Variants in AGBL1 observed in about 807,000 individuals in gnomAD.
The protein encoded by AGBL1 is cytosolic carboxypeptidase 4.
Under a neutral mutation model 118.9 loss-of-function variants are expected in AGBL1, and 130 were observed. The observed-to-expected ratio is 1.09, with a 90% confidence interval of 0.95 to 1.26. The LOEUF (loss-of-function observed/expected upper bound fraction) is 1.26. Among genes scored for constraint, AGBL1 ranks in the 50% most tolerant of loss-of-function variants. AGBL1 has a pLI of 0.00. For synonymous variants in AGBL1, 555 were observed against 478.9 expected (o/e 1.16, Z -2.08); for missense variants, 1,584 against 1,298.1 (o/e 1.22, Z -3.38).
intron 16 of AGBL1, among the ~76,000 whole-genome samples, chr15:86,283,893 A>G (rs542746235): frequency 6.6e-6 from 1 of 152,258 alleles, no homozygotes; most frequent in African/African-American, 2.4e-5. Context: ...AGACAGGCCT[A>G]GATTTTAGTC....
intron 23 of AGBL1, chr15:86,938,909 C>G (rs2080711623): frequency 6.6e-6 from 1 of 152,236 alleles, no homozygotes; most frequent in Admixed American, 6.5e-5. Context: ...TGTCTTCCTT[C>G]AGGACCTTGC....
intron 23 of AGBL1, among the ~76,000 whole-genome samples, chr15:86,965,671 C>T (rs571959635): frequency 1.3e-5 from 2 of 151,986 alleles, no homozygotes; most frequent in Non-Finnish European, 2.9e-5. Flanking sequence ...TACTATGCAG[C>T]CATAAAAAAG....
At chr15:86,698,017 A>C (rs898583475) in intron 22 of AGBL1, among the ~76,000 whole-genome samples, 1 of 151,998 alleles carries the variant, frequency 6.6e-6, no homozygotes, top group African/African-American at 2.4e-5. Flanking sequence ...TTCCTGCAGT[A>C]GTTCTTGGAG....
intron 22 of AGBL1, among the ~76,000 whole-genome samples, chr15:86,868,877 T>C (rs2079678634): frequency 6.6e-6 from 1 of 152,152 alleles, no homozygotes; most frequent in African/African-American, 2.4e-5. Context: ...AAAAATAGAA[T>C]AGAAACAACG....
intron 18 of AGBL1, among the ~76,000 whole-genome samples, chr15:86,483,689 G>A (rs780258813): frequency 2.0e-5 from 3 of 152,090 alleles, no homozygotes; most frequent in Non-Finnish European, 4.4e-5. Context: ...CATTGCCTGA[G>A]AAACACAATG....
intron 1 of AGBL1, among the ~76,000 whole-genome samples, chr15:86,089,833 A>G (rs11857717): frequency 1.3e-5 from 2 of 152,022 alleles, no homozygotes; most frequent in African/African-American, 4.8e-5. Context: ...AGAGGACACT[A>G]TAAGCAAATC....
intron 22 of AGBL1, among the ~76,000 whole-genome samples, chr15:86,717,216 G>C (rs914626445): frequency 6.6e-6 from 1 of 152,180 alleles, no homozygotes; most frequent in African/African-American, 2.4e-5. Context: ...TGAGAACAAG[G>C]AGAAGGAGTG....
intron 18 of AGBL1, among the ~76,000 whole-genome samples, chr15:86,475,993 G>T (rs947464030): frequency 2.6e-5 from 4 of 152,140 alleles, no homozygotes; most frequent in African/African-American, 9.7e-5. Flanking sequence ...AAATGAAGGA[G>T]AAGGAGAAAT....
intron 18 of AGBL1, among the ~76,000 whole-genome samples, chr15:86,462,288 G>A (rs1262154560): frequency 6.6e-6 from 1 of 151,744 alleles, no homozygotes; most frequent in African/African-American, 2.4e-5. Context: ...AATAAATGAT[G>A]ACGTCCTTAG....
downstream of AGBL1, among the ~76,000 whole-genome samples, chr15:86,919,616 G>A (rs940564679): frequency 2.1e-5 from 3 of 145,602 alleles, no homozygotes; most frequent in Admixed American, 6.8e-5. Flanking sequence ...ACACACACCC[G>A]ACTACCTAAG....
chr15:86,694,162 T>C (rs994033718), intron 22 of AGBL1, among the ~76,000 whole-genome samples: 6 of 152,060 alleles, frequency 3.9e-5, no homozygotes, highest in African/African-American at 1.4e-4. Flanking sequence ...GGGAATTGCA[T>C]TGAATTTGTA....
At chr15:86,541,552 C>T (rs965104252) in intron 19 of AGBL1, among the ~76,000 whole-genome samples, 2 of 144,250 alleles carry the variant, frequency 1.4e-5, no homozygotes, top group Non-Finnish European at 3.0e-5. Context: ...ATGATTGCAC[C>T]ACTGCATTCT....
At position 86,173,744 on chromosome 15, in the gene AGBL1, A is replaced by G. The variant is rs538044686; in HGVS notation, c.488+14718A>G. Among the ~76,000 whole-genome samples the G allele has an allele frequency of 3.9e-5, 6 of 152,118 alleles. No homozygotes were observed. The South Asian group carries it at 1.0e-3, about 26-fold the overall frequency. ...TTGTTGGTGCTTTTTTCAAAAATCA[A>G]TTGGCTACAAATAGGTGAATATCTT... On this transcript the variant is annotated intron_variant, in intron 5 of 22. Coordinates refer to ENST00000614907, the MANE Select transcript of AGBL1 (RefSeq NM_001386094.1).
intron 22 of AGBL1, among the ~76,000 whole-genome samples, chr15:86,694,873 T>G (rs1444619844): frequency 6.6e-6 from 1 of 152,154 alleles, no homozygotes; most frequent in Non-Finnish European, 1.5e-5. Flanking sequence ...TGTTTTGAAT[T>G]CTGTTTATAT....
At chr15:86,859,273 C>T (rs186359973) in intron 22 of AGBL1, among the ~76,000 whole-genome samples, 2 of 152,214 alleles carry the variant, frequency 1.3e-5, no homozygotes, top group Non-Finnish European at 2.9e-5. Flanking sequence ...GGGCAAGGCA[C>T]TTCCCACAGG....
rs1196330779 is a variant in AGBL1 at position 86,256,870 on chromosome 15, G to C, written c.753G>C (p.Lys251Asn). ...FSTTQNCLDDKSMEPVISVVL... is the reference protein window; with the variant it reads ...FSTTQNCLDDNSMEPVISVVL... ...TTGCTCAGAACTGCCTGGATGACAA[G>C]AGCATGGAGCCCGTCATCTCTGTGG... Residue 251 changes from lysine (K) to asparagine (N), a missense_variant, in exon 8 of 23, where the codon AAG becomes AAC. Physicochemically the swap from Lys to Asn is moderately conservative, Grantham distance 94. Transcript: ENST00000614907. 6.2e-7 allele frequency: 1 copy of C among 1,613,900 alleles called. No individual in the cohort carries two copies. Among genetic ancestry groups the C allele is most frequent in the East Asian group, 2.2e-5 (1 of 44,866 alleles).
intron 1 of AGBL1, among the ~76,000 whole-genome samples, chr15:86,091,900 T>G (rs562664332): frequency 6.6e-6 from 1 of 152,280 alleles, no homozygotes; most frequent in East Asian, 1.9e-4. Context: ...GTGAAAGTCA[T>G]AAGTACCTTT....
chr15:86,817,143 TA>T (rs1240850415), intron 22 of AGBL1, among the ~76,000 whole-genome samples: 7 of 151,762 alleles, frequency 4.6e-5, no homozygotes, highest in African/African-American at 1.7e-4. Flanking sequence ...CAAAAAAAAT[TA>T]GCCAGGCGTG....
At chr15:86,432,351 T>A (rs1424357448) in intron 18 of AGBL1, among the ~76,000 whole-genome samples, 1 of 152,176 alleles carries the variant, frequency 6.6e-6, no homozygotes, top group African/African-American at 2.4e-5. Context: ...GCCATGGCAG[T>A]TTCTTGGACT....
Sources: allele counts gnomAD v4.1 joint callset (sites outside exome capture counted in the v4.1 genomes callset), GRCh38; gene constraint gnomAD v4.1.1; transcripts MANE v1.5; gene names NCBI Gene and HGNC (gene_info 2026-07-23, HGNC 2026-07-21).